The following ZW10 variants were observed in gnomAD, a reference collection of about 807,000 sequenced individuals.
ZW10 encodes the protein zw10 kinetochore protein, also known as centromere/kinetochore protein zw10 homolog.
ZW10 carries 53 observed loss-of-function variants against 87.8 expected under a neutral mutation model. The observed-to-expected ratio is 0.60, with a 90% CI of 0.48 to 0.76. The LOEUF is 0.76. ZW10 is among the 30% of genes least tolerant of loss of function. ZW10 has a pLI of 0.00. For synonymous variants in ZW10, 312 were observed against 329.2 expected, an observed-to-expected ratio of 0.95 and a Z score of 0.57; for missense variants, 837 against 923.0, an observed-to-expected ratio of 0.91 and a Z score of 1.21.
At chr11:113,762,956 A>G (rs1194276636) in intron 2 of ZW10, among the ~76,000 whole-genome samples, 2 of 152,236 alleles carry the variant, frequency 1.3e-5, no homozygotes, top group Admixed American at 1.3e-4. Flanking sequence ...TTACACAGGT[A>G]TACATGTGCC....
intron 7 of ZW10, among the ~76,000 whole-genome samples, chr11:113,751,824 T>A (rs1382120564): frequency 1.3e-5 from 2 of 151,776 alleles, no homozygotes; most frequent in South Asian, 4.2e-4. Context: ...GAGCTGAGAT[T>A]GTGCCACTGC....
rs1191487264 is a variant in ZW10, at chr11:113,773,564, T to C, written c.103A>G (p.Lys35Glu). 1 of 1,612,720 alleles carries C rather than the reference T, an allele frequency of 6.2e-7. No individual in the cohort carries two copies. The highest frequency in any genetic ancestry group is 1.3e-5 in the African/African-American group (1 of 74,922). The stretch of plus-strand genomic sequence containing the variant: ...GCAGACAGCTGCCCCGCTCTCACCT[T>C]GATCTCCTCCACCCGCCGGGTCAGG... ...SRLTRRVEEI[K>E]GEVCNMISKK... is the part of the protein sequence containing the mutation. Residue 35 changes from lysine (K) to glutamate (E), a missense_variant and splice_region_variant, in exon 1 of 16, where the codon AAG becomes GAG. Lys to Glu is a moderately conservative substitution (Grantham distance 56). Transcript: ENST00000200135.
At chr11:113,739,099 A>G (rs1953583939) in intron 12 of ZW10, 114 bp downstream of exon 12, 1 of 1,182,598 alleles carries the variant, frequency 8.5e-7, no homozygotes, top group Non-Finnish European at 1.2e-6. Flanking sequence ...CCACTTTCTG[A>G]TACAGCTCAG....
intron 2 of ZW10, among the ~76,000 whole-genome samples, chr11:113,763,280 G>A (rs896255947): frequency 1.3e-5 from 2 of 152,074 alleles, no homozygotes; most frequent in Admixed American, 6.5e-5. Flanking sequence ...TGGGCATTTC[G>A]GTTGGTTCCA....
In ZW10 at chr11:113,733,347, A is replaced by G. The variant is rs1953511320; in HGVS notation, c.*347T>C. On this transcript the variant is annotated 3_prime_UTR_variant, in exon 16 of 16. Transcript: ENST00000200135. ...TCTACCCTGACTCCTGGAATCTCCC[A>G]ATTCCTCGTTCCAAAGCTAGGGCCT... 5.3e-6 allele frequency: 1 copy of G among 188,406 alleles called. No homozygotes were observed. 11.7% of individuals were successfully genotyped at this position (188,406 alleles called of 1,614,324 possible).
chr11:113,769,355 A>G (rs1401560521), intron 1 of ZW10, among the ~76,000 whole-genome samples: 1 of 152,250 alleles, frequency 6.6e-6, no homozygotes, highest in Non-Finnish European at 1.5e-5. Context: ...ATATTGAACT[A>G]TATCAGACTG....
At chr11:113,766,961 G>A (rs1210694561) in intron 2 of ZW10, among the ~76,000 whole-genome samples, 8 of 151,992 alleles carry the variant, frequency 5.3e-5, no homozygotes, top group African/African-American at 1.9e-4. Flanking sequence ...AGGTTGTGGT[G>A]AGCCTAGATC....
At chr11:113,743,763 C>G (rs764344004) in intron 10 of ZW10, 39 bp downstream of exon 10, 2 of 1,518,972 alleles carry the variant, frequency 1.3e-6, no homozygotes, top group Non-Finnish European at 1.8e-6. Flanking sequence ...ATGCATTTAA[C>G]CAAGTCATTG....
chr11:113,766,231 G>A (rs1182215726), intron 2 of ZW10, among the ~76,000 whole-genome samples: 2 of 152,040 alleles, frequency 1.3e-5, no homozygotes, highest in Middle Eastern at 3.4e-3. Flanking sequence ...TGGGCATGAT[G>A]GCTTATACCT....
At chr11:113,769,130 C>A (rs1392883016) in intron 1 of ZW10, among the ~76,000 whole-genome samples, 163 bp from the exon 2 acceptor site, 1 of 152,048 alleles carries the variant, frequency 6.6e-6, no homozygotes, top group African/African-American at 2.4e-5. Flanking sequence ...ATTTCAAAAA[C>A]ACATTTCTCC....
At chr11:113,741,638 C>A in intron 11 of ZW10, 56 bp downstream of exon 11, 1 of 1,193,740 alleles carries the variant, frequency 8.4e-7, no homozygotes. Flanking sequence ...TTTAACTTAA[C>A]TTCCACATCT....
intron 12 of ZW10, among the ~76,000 whole-genome samples, chr11:113,738,876 T>C (rs1953581075): frequency 6.6e-6 from 1 of 152,186 alleles, no homozygotes; most frequent in South Asian, 2.1e-4. Flanking sequence ...CTGACATTAG[T>C]GAGCTCTTAC....
At chr11:113,753,071 T>C (rs1953750206) in intron 7 of ZW10, among the ~76,000 whole-genome samples, 1 of 152,184 alleles carries the variant, frequency 6.6e-6, no homozygotes, top group Non-Finnish European at 1.5e-5. Flanking sequence ...GCAGGTTTGT[T>C]ATATAGGTAA....
intron 7 of ZW10, among the ~76,000 whole-genome samples, chr11:113,751,625 C>T (rs991224533): frequency 6.6e-6 from 1 of 152,184 alleles, no homozygotes; most frequent in African/African-American, 2.4e-5. Flanking sequence ...CCTGTAATCC[C>T]CGCACTTTGG....
rs780943712 is a variant in ZW10, at chr11:113,738,297, C to A, written c.1851G>T (p.Glu617Asp). The A allele has an allele frequency of 1.9e-6, 3 of 1,612,860 alleles. No individual in the cohort carries two copies. In the South Asian group the frequency reaches 3.3e-5, roughly 18 times the overall value. Reference sequence around the variant, plus strand: ...CTGCTTTACTTGCTGCAGAATAATTCTCTTCATCGTCCATATTTGAAAAGT... The same window carrying A: ...CTGCTTTACTTGCTGCAGAATAATTATCTTCATCGTCCATATTTGAAAAGT... ...ARNFSNMDDE[E>D]NYSAASKAVR... The change falls in exon 13 of 16, where the codon GAG (glutamate) becomes GAT (aspartate). Residue 617 changes from glutamate to aspartate, a missense_variant. By Grantham distance (45) the Glu-to-Asp change is conservative (BLOSUM62 2). Transcript: ENST00000200135.
intron 14 of ZW10, among the ~76,000 whole-genome samples, chr11:113,737,272 G>A (rs1953564059): frequency 6.6e-6 from 1 of 152,124 alleles, no homozygotes; most frequent in African/African-American, 2.4e-5. Context: ...AAATTATTGA[G>A]TTTACTTGCA....
intron 3 of ZW10, 41 bp downstream of exon 3, chr11:113,760,775 TC>T (rs1420784742): frequency 1.3e-6 from 2 of 1,562,620 alleles, no homozygotes; most frequent in Non-Finnish European, 1.8e-6. Flanking sequence ...AATGAGACCT[TC>T]CCACCACCAA....
rs1186984422 is a variant in ZW10, at chr11:113,760,496, G to A, written c.420+17C>T. ...AAGAGCACTTATTGCGCATGCTTTGGGGAGAGCATTTAGTACCTCTTCCAG... is the reference window on the plus strand; with the variant it reads ...AAGAGCACTTATTGCGCATGCTTTGAGGAGAGCATTTAGTACCTCTTCCAG... On this transcript the variant is annotated intron_variant, in intron 4 of 15. Coordinates refer to ENST00000200135, the MANE Select transcript of ZW10 (RefSeq NM_004724.4). 2.5e-6 allele frequency: 4 copies of A among 1,611,218 alleles called. No individual in the cohort carries two copies. Among genetic ancestry groups the A allele is most frequent in the Non-Finnish European group, 2.5e-6 (3 of 1,178,290 alleles).
intron 1 of ZW10, chr11:113,771,309 T>A (rs1402344719): frequency 6.6e-6 from 1 of 152,234 alleles, no homozygotes; most frequent in Admixed American, 6.5e-5. Context: ...TACAGAAGCC[T>A]TTCTGGATTT....
Sources: gnomAD v4.1 joint callset for allele counts (sites outside exome capture counted in the v4.1 genomes callset) on GRCh38, gnomAD v4.1.1 for gene constraint, MANE v1.5 for transcripts, NCBI Gene and HGNC (gene_info 2026-07-23, HGNC 2026-07-21) for gene names.